Variants in SGCD observed in about 807,000 individuals in gnomAD.
SGCD encodes sarcoglycan delta, also known as delta-sarcoglycan.
A neutral mutation model predicts 36.6 loss-of-function variants in SGCD; 18 were observed. That is an observed-to-expected ratio of 0.49 (90% CI 0.34 to 0.73). SGCD has a LOEUF of 0.73. SGCD is among the 30% of genes least tolerant of loss of function. The probability of loss-of-function intolerance (pLI) is 0.01; values close to 1 mark genes in which losing one functional copy is unlikely to be tolerated. For synonymous variants in SGCD, 133 were observed against 130.6 expected, an observed-to-expected ratio of 1.02 and a Z score of -0.12; for missense variants, 387 against 346.7, an observed-to-expected ratio of 1.12 and a Z score of -0.92.
chr5:156,514,619 A>G (rs937437521), intron 4 of SGCD, among the ~76,000 whole-genome samples: 1 of 152,244 alleles, frequency 6.6e-6, no homozygotes, highest in African/African-American at 2.4e-5. Flanking sequence ...AGTCTCATGT[A>G]TGAAAACCAG....
At chr5:156,023,688 G>A (rs571857589) in intron 1 of SGCD, among the ~76,000 whole-genome samples, 7 of 152,280 alleles carry the variant, frequency 4.6e-5, no homozygotes, top group African/African-American at 7.2e-5. Context: ...GTGTGAGAAC[G>A]TTCAGAGAAT....
the SGCD span, among the ~76,000 whole-genome samples, chr5:155,820,311 G>T: frequency 6.6e-6 from 1 of 152,070 alleles, no homozygotes; most frequent in Non-Finnish European, 1.5e-5. Flanking sequence ...AGGCAGAATT[G>T]GAAAGAAAGG....
At chr5:155,930,340 C>T (rs1757076222) in intron 1 of SGCD, among the ~76,000 whole-genome samples, 1 of 152,138 alleles carries the variant, frequency 6.6e-6, no homozygotes, top group Non-Finnish European at 1.5e-5. Context: ...GAGATGAATG[C>T]ATTAAACAAC....
intron 3 of SGCD, among the ~76,000 whole-genome samples, chr5:156,492,021 T>C (rs1755969189): frequency 6.6e-6 from 1 of 152,110 alleles, no homozygotes; most frequent in Admixed American, 6.6e-5. Flanking sequence ...GTGACAATGA[T>C]GGCTATTGTT....
At chr5:156,227,476 C>T (rs959366661) in intron 3 of SGCD, among the ~76,000 whole-genome samples, 1 of 152,078 alleles carries the variant, frequency 6.6e-6, no homozygotes, top group African/African-American at 2.4e-5. Flanking sequence ...ATTTTTATAC[C>T]AGTACCATGC....
chr5:156,112,558 G>C (rs74359919), intron 1 of SGCD, among the ~76,000 whole-genome samples: 3,074 of 152,274 alleles, frequency 0.02, 44 homozygotes, highest in Non-Finnish European at 0.034. Context: ...TAGGTTTTAA[G>C]GGATTGTTAT....
chr5:156,483,862 C>T (rs974198495), intron 3 of SGCD, among the ~76,000 whole-genome samples: 1 of 152,216 alleles, frequency 6.6e-6, no homozygotes, highest in African/African-American at 2.4e-5. Flanking sequence ...AGACAGTGCT[C>T]AGAGCAAGTG....
intron 4 of SGCD, among the ~76,000 whole-genome samples, chr5:156,588,698 A>G (rs1760593238): frequency 6.6e-6 from 1 of 152,340 alleles, no homozygotes; most frequent in South Asian, 2.1e-4. Context: ...TGGGGACATC[A>G]GATCTCCTGG....
At chr5:156,179,939 G>A (rs1488956810) in intron 3 of SGCD, among the ~76,000 whole-genome samples, 2 of 152,070 alleles carry the variant, frequency 1.3e-5, no homozygotes, top group African/African-American at 2.4e-5. Flanking sequence ...TTTTATTTAT[G>A]ATACTGCAGT....
intron 6 of SGCD, among the ~76,000 whole-genome samples, chr5:156,643,193 C>G (rs578082261): frequency 1.3e-5 from 2 of 151,910 alleles, no homozygotes; most frequent in Non-Finnish European, 2.9e-5. Flanking sequence ...CCACCACGCC[C>G]GGCTAATTTT....
At chr5:155,853,289 A>G in the SGCD span, among the ~76,000 whole-genome samples, 4 of 152,080 alleles carry the variant, frequency 2.6e-5, no homozygotes, top group African/African-American at 9.7e-5. Flanking sequence ...AAATCATTTC[A>G]GGCTCTTTAG....
At chr5:156,508,178 C>A (rs193049196) in intron 3 of SGCD, among the ~76,000 whole-genome samples, 1 of 152,182 alleles carries the variant, frequency 6.6e-6, no homozygotes, top group Admixed American at 6.5e-5. Context: ...CAAACACACA[C>A]GTCCAAAGTC....
At chr5:156,511,992 G>A (rs149317075) in intron 4 of SGCD, among the ~76,000 whole-genome samples, 186 of 152,100 alleles carry the variant, frequency 1.2e-3, no homozygotes, top group African/African-American at 4.2e-3. Flanking sequence ...TCAGGAGTTC[G>A]AGACCAGCCT....
chr5:155,921,071 A>G (rs1025471607), intron 1 of SGCD, among the ~76,000 whole-genome samples: 2 of 152,154 alleles, frequency 1.3e-5, no homozygotes, highest in African/African-American at 4.8e-5. Context: ...AAGGTAAGGA[A>G]AAGGAGCCCA....
chr5:155,986,044 A>G (rs1197129611), intron 1 of SGCD, among the ~76,000 whole-genome samples: 1 of 152,148 alleles, frequency 6.6e-6, no homozygotes, highest in East Asian at 1.9e-4. Context: ...AGAGGTAATT[A>G]TTTCTAAGAA....
At chr5:156,206,832 T>C (rs1205805264) in intron 3 of SGCD, among the ~76,000 whole-genome samples, 2 of 152,024 alleles carry the variant, frequency 1.3e-5, no homozygotes, top group Non-Finnish European at 2.9e-5. Context: ...GTAATTTTTT[T>C]ACATGAAAAT....
At chr5:156,626,520 G>A (rs1477476687) in intron 6 of SGCD, among the ~76,000 whole-genome samples, 1 of 152,168 alleles carries the variant, frequency 6.6e-6, no homozygotes, top group African/African-American at 2.4e-5. Flanking sequence ...ATAGAGGTTT[G>A]AATCTCTGCC....
chr5:155,740,118 A>G, the SGCD span, among the ~76,000 whole-genome samples: 1 of 152,170 alleles, frequency 6.6e-6, no homozygotes, highest in East Asian at 1.9e-4. Flanking sequence ...TTTATTTTAG[A>G]GACAGGGCCT....
At chr5:155,867,148 C>T (rs1210332134), upstream of SGCD, among the ~76,000 whole-genome samples, 1 of 152,058 alleles carries the variant, frequency 6.6e-6, no homozygotes, top group Non-Finnish European at 1.5e-5. Context: ...AAACAGATCA[C>T]AAGATGATGA....
Sources: gnomAD v4.1 joint callset for allele counts (sites outside exome capture counted in the v4.1 genomes callset) on GRCh38, gnomAD v4.1.1 for gene constraint, MANE v1.5 for transcripts, NCBI Gene and HGNC (gene_info 2026-07-23, HGNC 2026-07-21) for gene names.